The following EBF1 variants were observed in gnomAD, a reference collection of about 807,000 sequenced individuals.
EBF1 encodes transcription factor COE1.
In EBF1, 10 loss-of-function variants were observed where a neutral mutation model predicts 68.4. The observed-to-expected ratio is 0.15, with a 90% CI of 0.09 to 0.25. The LOEUF (loss-of-function observed/expected upper bound fraction) is 0.25. Among genes scored for constraint, EBF1 ranks in the 10% least tolerant of loss-of-function variants. The pLI, the probability that EBF1 is intolerant of heterozygous loss-of-function variation, is 1.00. For missense variants in EBF1, 509 were observed against 794.4 expected (o/e 0.64, Z 4.32); for synonymous variants, 298 against 299.8 (o/e 0.99, Z 0.06).
chr5:158,853,878 A>C (rs183855409), intron 6 of EBF1, among the ~76,000 whole-genome samples: 2 of 152,344 alleles, frequency 1.3e-5, no homozygotes, highest in Non-Finnish European at 2.9e-5. Flanking sequence ...TGCAGACCCT[A>C]CAGAGCCCAG....
At chr5:158,911,056 T>C (rs1219794990) in intron 6 of EBF1, among the ~76,000 whole-genome samples, 1 of 152,050 alleles carries the variant, frequency 6.6e-6, no homozygotes, top group African/African-American at 2.4e-5. Flanking sequence ...AGAATTTCCT[T>C]CCCCATGTAC....
At chr5:158,941,275 T>C (rs890469587) in intron 6 of EBF1, 2 of 455,608 alleles carry the variant, frequency 4.4e-6, no homozygotes, top group African/African-American at 4.0e-5. Context: ...ACTGGAGACG[T>C]TGAATCAGGA....
At chr5:158,910,662 A>G (rs546520468) in intron 6 of EBF1, among the ~76,000 whole-genome samples, 1 of 152,278 alleles carries the variant, frequency 6.6e-6, no homozygotes, top group South Asian at 2.1e-4. Flanking sequence ...ATACCTAGTA[A>G]TTTTTTCCCC....
At chr5:159,009,928 A>C (rs1262771760) in intron 6 of EBF1, among the ~76,000 whole-genome samples, 1 of 152,234 alleles carries the variant, frequency 6.6e-6, no homozygotes, top group Non-Finnish European at 1.5e-5. Flanking sequence ...AAAGTGCATC[A>C]GAACTTACTC....
chr5:159,018,427 A>G (rs1766031852), intron 6 of EBF1, among the ~76,000 whole-genome samples: 1 of 152,260 alleles, frequency 6.6e-6, no homozygotes, highest in Non-Finnish European at 1.5e-5. Flanking sequence ...ATTAACATCT[A>G]TATACAAAGG....
At chr5:159,053,589 CCTCT>C (rs749364237) in intron 6 of EBF1, among the ~76,000 whole-genome samples, 2 of 147,306 alleles carry the variant, frequency 1.4e-5, no homozygotes, top group African/African-American at 2.6e-5. Context: ...CCCCTCTCTC[CCTCT>C]CTCTCTCTCT....
intron 6 of EBF1, among the ~76,000 whole-genome samples, chr5:158,849,531 C>T (rs1792194858): frequency 1.3e-5 from 2 of 152,208 alleles, no homozygotes; most frequent in Admixed American, 1.3e-4. Context: ...TGTTACAGCA[C>T]TTGTCACACT....
In EBF1 at chr5:159,099,706, A is replaced by T. The variant is rs190123231; in HGVS notation, c.-228T>A. 167 of 379,550 alleles carry T rather than the reference A, an allele frequency of 4.4e-4. 1 individual carries two copies. Among genetic ancestry groups the T allele is most frequent in the African/African-American group, 3.1e-3 (148 of 47,866 alleles). The allele number at this position is 379,550 out of a possible 1,614,324, so 23.5% of individuals were successfully genotyped here. On this transcript the variant is annotated 5_prime_UTR_variant, in exon 1 of 16. Coordinates refer to ENST00000313708, the MANE Select transcript of EBF1 (RefSeq NM_024007.5). ...TGAGCGATAACCCGAAAAAAAGAAGAAAGGGAAAATCCAACGAAAAGACCA... is the reference window on the plus strand; with the variant it reads ...TGAGCGATAACCCGAAAAAAAGAAGTAAGGGAAAATCCAACGAAAAGACCA...
chr5:158,920,999 TCAC>T (rs760941610), intron 6 of EBF1, among the ~76,000 whole-genome samples: 4 of 152,224 alleles, frequency 2.6e-5, no homozygotes, highest in Non-Finnish European at 5.9e-5. Context: ...TCTTCATCTG[TCAC>T]CACATTTGGG....
At chr5:158,912,830 A>G (rs148131581) in intron 6 of EBF1, among the ~76,000 whole-genome samples, 6 of 152,242 alleles carry the variant, frequency 3.9e-5, no homozygotes, top group African/African-American at 1.4e-4. Context: ...AGCCTCAAGA[A>G]AAAAAAAGAT....
intron 6 of EBF1, among the ~76,000 whole-genome samples, chr5:158,862,913 T>C (rs939929273): frequency 2.0e-5 from 3 of 152,238 alleles, no homozygotes; most frequent in African/African-American, 7.2e-5. Context: ...TCTTGAACGA[T>C]TGAATTCTAC....
At chr5:158,974,885 T>G (rs1398336655) in intron 6 of EBF1, among the ~76,000 whole-genome samples, 2 of 152,196 alleles carry the variant, frequency 1.3e-5, no homozygotes, top group African/African-American at 4.8e-5. Context: ...GCCCATCTTC[T>G]AACAAAGGGT....
chr5:158,777,105 G>T (rs577663772), intron 10 of EBF1, among the ~76,000 whole-genome samples: 1 of 152,230 alleles, frequency 6.6e-6, no homozygotes, highest in East Asian at 1.9e-4. Flanking sequence ...ACCCTAACAA[G>T]GTGGCTTAAC....
At chr5:159,032,597 G>A (rs1015324878) in intron 6 of EBF1, among the ~76,000 whole-genome samples, 15 of 152,104 alleles carry the variant, frequency 9.9e-5, no homozygotes, top group Admixed American at 7.9e-4. Context: ...GGCAGATTCC[G>A]GGTTACATTA....
At chr5:158,962,429 G>A (rs938386534) in intron 6 of EBF1, among the ~76,000 whole-genome samples, 1 of 152,038 alleles carries the variant, frequency 6.6e-6, no homozygotes, top group African/African-American at 2.4e-5. Context: ...ATGGCCAAAC[G>A]AAACGCTTCC....
At chr5:159,005,603 A>G (rs1418434277) in intron 6 of EBF1, among the ~76,000 whole-genome samples, 1 of 152,114 alleles carries the variant, frequency 6.6e-6, no homozygotes, top group Non-Finnish European at 1.5e-5. Flanking sequence ...CAGGAGGGGG[A>G]AGAAATTAAA....
At chr5:158,753,598 G>A (rs1334625167) in intron 10 of EBF1, among the ~76,000 whole-genome samples, 2 of 152,012 alleles carry the variant, frequency 1.3e-5, no homozygotes, top group Non-Finnish European at 2.9e-5. Context: ...CAATCAACCA[G>A]ATATTTTTTC....
chr5:158,996,181 G>A (rs1438877136), intron 6 of EBF1, among the ~76,000 whole-genome samples: 1 of 152,176 alleles, frequency 6.6e-6, no homozygotes, highest in Admixed American at 6.5e-5. Context: ...GAAATCTGAT[G>A]ATCATGCTGA....
intron 11 of EBF1, among the ~76,000 whole-genome samples, chr5:158,725,490 C>T (rs1300775702): frequency 6.6e-6 from 1 of 152,270 alleles, no homozygotes; most frequent in Admixed American, 6.5e-5. Flanking sequence ...TAGGCAAGCA[C>T]TTAAAATACT....
Sources: gnomAD v4.1 joint callset for allele counts (sites outside exome capture counted in the v4.1 genomes callset) on GRCh38, gnomAD v4.1.1 for gene constraint, MANE v1.5 for transcripts, NCBI Gene and HGNC (gene_info 2026-07-23, HGNC 2026-07-21) for gene names.